The following TG variants were observed in gnomAD, a reference collection of about 807,000 sequenced individuals.
TG encodes thyroid hormones.
TG carries 270 observed loss-of-function variants against 324.7 expected under a neutral mutation model. The observed-to-expected ratio is 0.83, with a 90% confidence interval of 0.75 to 0.92. The LOEUF (loss-of-function observed/expected upper bound fraction) is 0.92. Ranked by LOEUF, TG falls within the 40% of genes least tolerant of loss-of-function variation. TG has a pLI of 0.00. For missense variants in TG, 3,591 were observed against 3,456.4 expected (o/e 1.04, Z -0.98); for synonymous variants, 1,401 against 1,327.0 (o/e 1.06, Z -1.21).
chr8:132,983,497 A>C, intron 35 of TG, 85 bp downstream of exon 35: 1 of 1,342,974 alleles, frequency 7.4e-7, no homozygotes, highest in Non-Finnish European at 1.1e-6. Context: ...TTTTGTACAG[A>C]AGTTGATAGC....
At chr8:133,057,584 C>A (rs1340799194) in intron 41 of TG, among the ~76,000 whole-genome samples, 2 of 152,108 alleles carry the variant, frequency 1.3e-5, no homozygotes, top group Admixed American at 6.5e-5. Context: ...TCTGGGGCAG[C>A]CCGAGTGACT....
At chr8:133,021,953 C>G in intron 39 of TG, 38 bp from the exon 40 acceptor site, 1 of 1,613,638 alleles carries the variant, frequency 6.2e-7, no homozygotes, top group South Asian at 1.1e-5. Context: ...AAGGTGCCCT[C>G]CCCACACTTT....
Position 132,869,772 on chromosome 8 carries a change from G to A in TG, c.220G>A (p.Gly74Ser), listed in dbSNP as rs769981003. ...CGACGGCCGCTCCTGCTGGTGTGTG[G>A]GTGCCAACGGCAGTGAAGTGCTGGG... ...QNDGRSCWCV[G>S]ANGSEVLGSR... Residue 74 changes from glycine (G) to serine (S), a missense_variant, in exon 3 of 48, where the codon GGT (glycine) becomes AGT (serine). Transcript: ENST00000220616. The A allele has an allele frequency of 6.2e-7, 1 of 1,614,172 alleles. No homozygotes were observed. Among genetic ancestry groups the A allele is most frequent in the Non-Finnish European group, 8.5e-7 (1 of 1,180,032 alleles).
intron 43 of TG, among the ~76,000 whole-genome samples, chr8:133,101,494 G>T (rs1387307020): frequency 6.6e-6 from 1 of 152,164 alleles, no homozygotes; most frequent in Non-Finnish European, 1.5e-5. Context: ...TCTCAGCCAT[G>T]CCTTTTACTC....
At chr8:132,913,389 G>A (rs1405145169) in intron 20 of TG, 124 bp downstream of exon 20, 15 of 1,033,198 alleles carry the variant, frequency 1.5e-5, no homozygotes, top group East Asian at 5.2e-5. Flanking sequence ...TTTAGTTAAC[G>A]AGCAAAAGTT....
intron 18 of TG, among the ~76,000 whole-genome samples, chr8:132,908,583 C>A (rs1402367333): frequency 1.3e-5 from 2 of 151,952 alleles, no homozygotes; most frequent in African/African-American, 4.8e-5. Flanking sequence ...AGTGCTTGTT[C>A]AAGTCTTTTG....
At chr8:133,092,610 C>T (rs1350693901) in intron 41 of TG, among the ~76,000 whole-genome samples, 4 of 152,196 alleles carry the variant, frequency 2.6e-5, no homozygotes. Flanking sequence ...AACCCTATAA[C>T]GTATGGTTGA....
chr8:133,126,410 A>AT (rs775574372), intron 45 of TG, among the ~76,000 whole-genome samples: 2 of 152,264 alleles, frequency 1.3e-5, no homozygotes, highest in South Asian at 2.1e-4. Flanking sequence ...TGCAAAGTTC[A>AT]TTTTTTTCTG....
intron 35 of TG, chr8:133,003,148 C>A (rs1833698632): frequency 4.6e-6 from 2 of 433,894 alleles, no homozygotes; most frequent in Non-Finnish European, 6.2e-6. Flanking sequence ...TGAAAATAAA[C>A]CTTGAAATAA....
At chr8:133,105,944 A>G (rs1272910254) in intron 43 of TG, among the ~76,000 whole-genome samples, 1 of 152,128 alleles carries the variant, frequency 6.6e-6, no homozygotes, top group Admixed American at 6.5e-5. Context: ...CCATATGGTA[A>G]AGAGGCTATA....
rs2228590 is a variant in TG at position 132,887,262 on chromosome 8, A to T, written c.1890A>T (p.Gln630His). The T allele has an allele frequency of 6.9e-6, 11 of 1,602,570 alleles. No individual in the cohort carries two copies. Among genetic ancestry groups the T allele is most frequent in the Middle Eastern group, 1.7e-4 (1 of 6,002 alleles). The change falls in exon 9 of 48, where the codon CAA becomes CAT. Residue 630 changes from glutamine (Q) to histidine (H), a missense_variant. Gln to His is a conservative substitution (Grantham distance 24). Transcript: ENST00000220616. ...CAGAAGGAAGCTATGAGGATGTCCA[A>T]TGCTTTTCCGGAGAGTGCTGGTGTG... The part of the protein sequence containing the change: ...CTTEGSYEDV[Q>H]CFSGECWCVN...
At chr8:132,972,437 C>T (rs943715345) in intron 33 of TG, 161 bp from the exon 34 acceptor site, 28 of 784,992 alleles carry the variant, frequency 3.6e-5, no homozygotes, top group Non-Finnish European at 5.6e-5. Context: ...AGTTCAGGTA[C>T]CAGGTTTTTC....
intron 29 of TG, among the ~76,000 whole-genome samples, chr8:132,966,206 A>G (rs557548172): frequency 1.3e-5 from 2 of 152,332 alleles, no homozygotes; most frequent in Non-Finnish European, 2.9e-5. Flanking sequence ...ATGTGGAGCT[A>G]TAGAGGCATT....
rs1852093176 is a variant in TG at position 133,133,384 on chromosome 8, T to C, written c.7998-86T>C. On this transcript the variant is annotated intron_variant, in intron 46 of 47. Transcript: ENST00000220616. The stretch of plus-strand genomic sequence containing the variant: ...ACAGATACATGAATTGTCCCTCAGA[T>C]ACCGAGTGCAAGTGGGAAGTGATTC... The C allele has an allele frequency of 9.1e-6, 12 of 1,319,192 alleles. No homozygotes were observed. The South Asian group carries it at 1.4e-4, about 16-fold the overall frequency. The allele number at this position is 1,319,192 out of a possible 1,614,324, so 81.7% of individuals were successfully genotyped here.
chr8:133,036,302 C>T (rs1445560696), intron 41 of TG, among the ~76,000 whole-genome samples: 1 of 152,158 alleles, frequency 6.6e-6, no homozygotes, highest in African/African-American at 2.4e-5. Flanking sequence ...TGATGTCAAG[C>T]TCCATGATAT....
intron 35 of TG, among the ~76,000 whole-genome samples, chr8:132,993,285 A>G (rs1394467077): frequency 6.6e-6 from 1 of 152,204 alleles, no homozygotes; most frequent in East Asian, 1.9e-4. Flanking sequence ...ATGAATGGAG[A>G]GGGTGGTTGT....
At chr8:132,983,612 C>T (rs1443233903) in intron 35 of TG, 200 bp downstream of exon 35, 32 of 626,438 alleles carry the variant, frequency 5.1e-5, no homozygotes, top group Middle Eastern at 2.7e-4. Context: ...AATTGACTCA[C>T]GGGAATGAAA....
chr8:133,133,478 A>T lies in TG; in HGVS notation c.8006A>T (p.Asn2669Ile). Residue 2669 changes from asparagine to isoleucine, a missense_variant, in exon 47 of 48, where the codon AAC becomes ATC. Physicochemically the swap from Asn to Ile is moderately radical, Grantham distance 149 (BLOSUM62 -3). Transcript: ENST00000220616. Reference sequence around the variant, plus strand: ...TCTTCTCATTTGCCCAGAAATCCCAACTACCCTTATGAGTTCTCACGGAAA... The same window carrying T: ...TCTTCTCATTTGCCCAGAAATCCCATCTACCCTTATGAGTTCTCACGGAAA... ...FSHFIRSGNPNYPYEFSRKVP... is the reference protein window; with the variant it reads ...FSHFIRSGNPIYPYEFSRKVP... The T allele has an allele frequency of 6.2e-7, 1 of 1,614,160 alleles. No homozygotes were observed. Among genetic ancestry groups the T allele is most frequent in the Non-Finnish European group, 8.5e-7 (1 of 1,179,972 alleles).
intron 16 of TG, among the ~76,000 whole-genome samples, chr8:132,905,245 T>G (rs1018791063): frequency 6.6e-6 from 1 of 152,200 alleles, no homozygotes; most frequent in Admixed American, 6.5e-5. Flanking sequence ...CTAGTGAATA[T>G]TAGGGCCAGG....
Sources: gnomAD v4.1 joint callset for allele counts (sites outside exome capture counted in the v4.1 genomes callset) on GRCh38, gnomAD v4.1.1 for gene constraint, MANE v1.5 for transcripts, NCBI Gene and HGNC (gene_info 2026-07-23, HGNC 2026-07-21) for gene names.